The following AP3B1 variants were observed in gnomAD, a reference collection of about 807,000 sequenced individuals.
AP3B1 encodes adaptor related protein complex 3 subunit beta 1, also known as AP-3 complex subunit beta-1.
A neutral mutation model predicts 132.5 loss-of-function variants in AP3B1; 61 were observed. The ratio of observed to expected loss-of-function variants is 0.46; its 90% CI spans 0.37 to 0.57. AP3B1 has a LOEUF of 0.57. Among genes scored for constraint, AP3B1 ranks in the 20% least tolerant of loss-of-function variants. The probability of loss-of-function intolerance (pLI) is 0.00; values close to 1 mark genes in which losing one functional copy is unlikely to be tolerated. For synonymous variants in AP3B1, 388 were observed against 438.3 expected (o/e 0.89, Z 1.43); for missense variants, 1,120 against 1,289.4 (o/e 0.87, Z 2.01).
At chr5:78,207,218 A>G (rs1431151547) in intron 7 of AP3B1, among the ~76,000 whole-genome samples, 2 of 149,606 alleles carry the variant, frequency 1.3e-5, no homozygotes, top group African/African-American at 2.5e-5. Context: ...AGATCGTGCC[A>G]CTGTACTCCA....
chr5:78,145,725 C>T (rs1215402256), intron 14 of AP3B1, among the ~76,000 whole-genome samples: 1 of 152,170 alleles, frequency 6.6e-6, no homozygotes, highest in Non-Finnish European at 1.5e-5. Flanking sequence ...CCCCAAGAGC[C>T]AGATTTTCAG....
At chr5:78,206,228 T>C (rs911194459) in intron 7 of AP3B1, among the ~76,000 whole-genome samples, 3 of 152,186 alleles carry the variant, frequency 2.0e-5, no homozygotes, top group Non-Finnish European at 4.4e-5. Context: ...CTTCCTCACC[T>C]ACCAGACATC....
intron 24 of AP3B1, among the ~76,000 whole-genome samples, chr5:78,022,026 A>C (rs1747125421): frequency 6.6e-6 from 1 of 152,224 alleles, no homozygotes; most frequent in Non-Finnish European, 1.5e-5. Flanking sequence ...GAATTTATTC[A>C]TGTGTGGGTA....
chr5:78,048,115 T>C (rs444908), intron 22 of AP3B1, among the ~76,000 whole-genome samples: 40,762 of 152,070 alleles, frequency 0.27, 6,057 homozygotes, highest in Admixed American at 0.4. Flanking sequence ...AATACAACTT[T>C]ACAAAGTAGA....
intron 20 of AP3B1, among the ~76,000 whole-genome samples, chr5:78,101,858 G>A (rs425641): frequency 0.24 from 36,143 of 151,884 alleles, 4,510 homozygotes; most frequent in Admixed American, 0.31. Flanking sequence ...AAAGAGTAGG[G>A]CGTTAAATAT....
intron 2 of AP3B1, among the ~76,000 whole-genome samples, chr5:78,241,509 G>A (rs1561496684): frequency 1.3e-5 from 2 of 152,178 alleles, no homozygotes; most frequent in Non-Finnish European, 2.9e-5. Flanking sequence ...GGAATTGAGA[G>A]AGGGATGAAT....
At chr5:78,061,300 T>C (rs887355412) in intron 22 of AP3B1, among the ~76,000 whole-genome samples, 2 of 152,236 alleles carry the variant, frequency 1.3e-5, no homozygotes, top group African/African-American at 4.8e-5. Context: ...TAATTTCTGA[T>C]AGTTTCCTTT....
intron 8 of AP3B1, among the ~76,000 whole-genome samples, chr5:78,181,092 C>T (rs75661072): frequency 0.025 from 3,757 of 151,974 alleles, 167 homozygotes; most frequent in African/African-American, 0.083. Flanking sequence ...GATCAAGTAC[C>T]CCCAATCACA....
intron 5 of AP3B1, among the ~76,000 whole-genome samples, chr5:78,225,844 A>G (rs1210667626): frequency 2.0e-5 from 3 of 151,958 alleles, no homozygotes; most frequent in Non-Finnish European, 4.4e-5. Flanking sequence ...TAGTTAAGAT[A>G]GTACTGAAAG....
At chr5:78,065,125 G>A (rs1749228756) in intron 22 of AP3B1, among the ~76,000 whole-genome samples, 1 of 152,190 alleles carries the variant, frequency 6.6e-6, no homozygotes, top group South Asian at 2.1e-4. Flanking sequence ...CCAGCCAAGG[G>A]AGGTGGTGAG....
At chr5:78,024,206 G>A (rs1580251307) in intron 24 of AP3B1, among the ~76,000 whole-genome samples, 1 of 152,112 alleles carries the variant, frequency 6.6e-6, no homozygotes, top group East Asian at 1.9e-4. Context: ...AGGACTAGAA[G>A]AAGATGTATG....
intron 22 of AP3B1, among the ~76,000 whole-genome samples, chr5:78,068,141 A>G (rs1749373129): frequency 6.6e-6 from 1 of 152,164 alleles, no homozygotes; most frequent in South Asian, 2.1e-4. Flanking sequence ...CCTGACCAAC[A>G]TGGAGAAACC....
At chr5:78,118,823 G>A (rs1209247361) in intron 17 of AP3B1, among the ~76,000 whole-genome samples, 2 of 152,192 alleles carry the variant, frequency 1.3e-5, no homozygotes, top group Non-Finnish European at 2.9e-5. Flanking sequence ...TTTGAAGAGA[G>A]GAGTGGTTTT....
chr5:78,032,124 C>T (rs1158018170), intron 24 of AP3B1, among the ~76,000 whole-genome samples: 1 of 152,162 alleles, frequency 6.6e-6, no homozygotes, highest in Non-Finnish European at 1.5e-5. Flanking sequence ...ATACATATAA[C>T]TACATGGCTT....
intron 15 of AP3B1, among the ~76,000 whole-genome samples, chr5:78,138,536 A>C (rs889647221): frequency 6.6e-6 from 1 of 152,196 alleles, no homozygotes; most frequent in Non-Finnish European, 1.5e-5. Flanking sequence ...AGAAATATTC[A>C]AAAACAGAGA....
At position 78,184,804 on chromosome 5, in the gene AP3B1, A is replaced by T. The variant is rs151169634; in HGVS notation, c.787-3142T>A. On this transcript the variant is annotated intron_variant, in intron 7 of 26. Transcript: ENST00000255194. ...AGACAGAGGCAAGAGTTGAAAGAGAACTCAAAGAAATAATGACTGCAAACT... is the reference window on the plus strand; with the variant it reads ...AGACAGAGGCAAGAGTTGAAAGAGATCTCAAAGAAATAATGACTGCAAACT... Among the ~76,000 whole-genome samples the T allele has an allele frequency of 1.2e-3, 190 of 152,334 alleles. 1 individual carries two copies. Among genetic ancestry groups the T allele is most frequent in the African/African-American group, 4.5e-3 (186 of 41,570 alleles).
intron 21 of AP3B1, among the ~76,000 whole-genome samples, chr5:78,092,743 A>C (rs1750581098): frequency 6.6e-6 from 1 of 151,606 alleles, no homozygotes; most frequent in Non-Finnish European, 1.5e-5. Flanking sequence ...GAATTTCTGG[A>C]CTCAAGCAAT....
chr5:78,154,532 C>T (rs1378725133), intron 14 of AP3B1, among the ~76,000 whole-genome samples: 1 of 152,164 alleles, frequency 6.6e-6, no homozygotes, highest in Non-Finnish European at 1.5e-5. Context: ...TCTGAATAAA[C>T]TTTCCATCCC....
At chr5:78,053,812 C>A (rs2078393150) in intron 22 of AP3B1, among the ~76,000 whole-genome samples, 1 of 152,152 alleles carries the variant, frequency 6.6e-6, no homozygotes, top group South Asian at 2.1e-4. Flanking sequence ...TAATTTGCCC[C>A]CGTCATTAGG....
Sources: gnomAD v4.1 joint callset for allele counts (sites outside exome capture counted in the v4.1 genomes callset) on GRCh38, gnomAD v4.1.1 for gene constraint, MANE v1.5 for transcripts, NCBI Gene and HGNC (gene_info 2026-07-23, HGNC 2026-07-21) for gene names.